Variants in MRPL37 observed in about 807,000 individuals in gnomAD.
MRPL37 encodes the protein large ribosomal subunit protein mL37.
Under a neutral mutation model 44.1 loss-of-function variants are expected in MRPL37, and 34 were observed. The ratio of observed to expected loss-of-function variants is 0.77; its 90% CI spans 0.59 to 1.03. The LOEUF is 1.03. Ranked by LOEUF, MRPL37 falls within the 50% of genes least tolerant of loss-of-function variation. MRPL37 has a pLI of 0.00. For missense variants in MRPL37, 532 were observed against 543.7 expected (o/e 0.98, Z 0.21); for synonymous variants, 212 against 219.5 (o/e 0.97, Z 0.30).
chr1:54,211,665 G>A (rs896687814), intron 4 of MRPL37, among the ~76,000 whole-genome samples: 2 of 152,014 alleles, frequency 1.3e-5, no homozygotes, highest in Non-Finnish European at 2.9e-5. Context: ...GCTAATTTTT[G>A]TATTCTTTTT....
At chr1:54,208,955 C>G (rs915762746) in intron 3 of MRPL37, among the ~76,000 whole-genome samples, 35 of 152,228 alleles carry the variant, frequency 2.3e-4, no homozygotes, top group African/African-American at 7.0e-4. Flanking sequence ...CCCACTCCGC[C>G]AAAGAGTTAT....
At position 54,200,264 on chromosome 1, in the gene MRPL37, C is replaced by T; in HGVS notation, c.21C>T (p.Pro7=). MALASG[P]ARRALAGSGQ... is the part of the protein sequence containing the mutation. ...TCGGTATGGCATTGGCGTCCGGGCC[C>T]GCAAGGCGGGCGCTAGCTGGCTCCG... Residue 7 remains proline (P), a synonymous_variant, in exon 1 of 7, where the codon CCC becomes CCT. Coordinates refer to ENST00000360840, the MANE Select transcript of MRPL37 (RefSeq NM_016491.4). The T allele has an allele frequency of 6.3e-7, 1 of 1,595,718 alleles. No individual in the cohort carries two copies. The highest frequency in any genetic ancestry group is 8.5e-7 in the Non-Finnish European group (1 of 1,173,218).
rs183019545 is a variant in MRPL37 at position 54,215,752 on chromosome 1, G to A, written c.991-389G>A. ...GATTATATCTATCCGTTGACCCTCCGGATTCACATTTGATAGCTGATGTCA... is the reference window on the plus strand; with the variant it reads ...GATTATATCTATCCGTTGACCCTCCAGATTCACATTTGATAGCTGATGTCA... On this transcript the variant is annotated intron_variant, in intron 5 of 6. Coordinates refer to ENST00000360840, the MANE Select transcript of MRPL37 (RefSeq NM_016491.4). Among the ~76,000 whole-genome samples the A allele has an allele frequency of 8.5e-5, 13 of 152,274 alleles. No homozygotes were observed. The South Asian group carries it at 2.7e-3, about 32-fold the overall frequency.
At chr1:54,204,897 G>T in intron 1 of MRPL37, 121 bp from the exon 2 acceptor site, 1 of 1,178,142 alleles carries the variant, frequency 8.5e-7, no homozygotes, top group Non-Finnish European at 1.2e-6. Flanking sequence ...AGGTGTCACA[G>T]AACAAATCCA....
rs779834746 is a variant in MRPL37, at chr1:54,200,206, C to T, written c.-38C>T. ...GCAGGCCCTGCGCGCGGCAACATGGCGGGGTCCAGGTGGAGGTCTTGAGGC... is the reference window on the plus strand; with the variant it reads ...GCAGGCCCTGCGCGCGGCAACATGGTGGGGTCCAGGTGGAGGTCTTGAGGC... On this transcript the variant is annotated 5_prime_UTR_variant, in exon 1 of 7. Transcript: ENST00000360840. 4.0e-6 allele frequency: 6 copies of T among 1,504,814 alleles called. No homozygotes were observed. The highest frequency in any genetic ancestry group is 2.6e-5 in the South Asian group (2 of 75,988). The allele number at this position is 1,504,814 out of a possible 1,614,324, so 93.2% of individuals were successfully genotyped here. A position where few individuals can be genotyped will look rare whatever the true frequency, so the allele number is the denominator to read the frequency against.
At position 54,212,522 on chromosome 1, in the gene MRPL37, A is replaced by G; in HGVS notation, c.854A>G (p.Tyr285Cys). 1 of 1,614,004 alleles carries G rather than the reference A, an allele frequency of 6.2e-7. No individual in the cohort carries two copies. Residue 285 changes from tyrosine to cysteine, a missense_variant, in exon 5 of 7, where the codon TAC (tyrosine) becomes TGC (cysteine). Physicochemically the swap from Tyr to Cys is radical, Grantham distance 194 (BLOSUM62 -2). Transcript: ENST00000360840. ...NDTGFQEGYP[Y>C]PYPHTLYLLD... is the part of the protein sequence containing the mutation. ...GCAGGATTCCAGGAAGGCTATCCTT[A>G]CCCCTATCCCCATACCCTGTACTTA... is the stretch of plus-strand genomic sequence containing the variant.
At chr1:54,219,501 C>T (rs1644219585), downstream of MRPL37, among the ~76,000 whole-genome samples, 1 of 152,176 alleles carries the variant, frequency 6.6e-6, no homozygotes, top group Non-Finnish European at 1.5e-5. Context: ...GGAGGCTTGG[C>T]TGGGGCTGGA....
At chr1:54,211,731 G>A (rs1324503930) in intron 4 of MRPL37, among the ~76,000 whole-genome samples, 3 of 152,112 alleles carry the variant, frequency 2.0e-5, no homozygotes, top group African/African-American at 4.8e-5. Flanking sequence ...GGGCCCAGGC[G>A]ATCTGCTTGC....
In MRPL37 at chr1:54,210,071, C is replaced by T. The variant is rs767076360; in HGVS notation, c.772C>T (p.Pro258Ser). The T allele has an allele frequency of 2.1e-5, 34 of 1,614,006 alleles. No homozygotes were observed. Among genetic ancestry groups the T allele is most frequent in the Non-Finnish European group, 2.7e-5 (32 of 1,180,006 alleles). ...TKNHVLETFY[P>S]ISPIIDLHEC... ...GAATCATGTTCTAGAGACCTTCTACCCCATATCACCCATCATCGATCTTCA... is the reference window on the plus strand; with the variant it reads ...GAATCATGTTCTAGAGACCTTCTACTCCATATCACCCATCATCGATCTTCA... The change falls in exon 4 of 7, where the codon CCC (proline) becomes TCC (serine). Residue 258 changes from proline (P) to serine (S), a missense_variant. Pro to Ser is a moderately conservative substitution (Grantham distance 74). Transcript: ENST00000360840.
chr1:54,216,372 CA>C (rs1346432843), intron 6 of MRPL37, 28 bp downstream of exon 6: 1 of 1,610,050 alleles, frequency 6.2e-7, no homozygotes, highest in Admixed American at 1.7e-5. Flanking sequence ...CTGCCTGACC[CA>C]GGAGGGCCAT....
chr1:54,216,298 A>G lies in MRPL37; in HGVS notation c.1148A>G (p.Tyr383Cys). The change falls in exon 6 of 7, where the codon TAT (tyrosine) becomes TGT (cysteine). Residue 383 changes from tyrosine (Y) to cysteine (C), a missense_variant. Tyr to Cys is a radical substitution (Grantham distance 194, BLOSUM62 -2). Coordinates refer to ENST00000360840, the MANE Select transcript of MRPL37 (RefSeq NM_016491.4). The stretch of plus-strand genomic sequence containing the variant: ...TGGGTGGACTCAGACCAGCTCCTCT[A>G]TCAGCATTTTTGGTGTCTCCCAGTG... ...LAWVDSDQLL[Y>C]QHFWCLPVIK... is the part of the protein sequence containing the mutation. 1 of 1,614,116 alleles carries G rather than the reference A, an allele frequency of 6.2e-7. No individual in the cohort carries two copies. The highest frequency in any genetic ancestry group is 8.5e-7 in the Non-Finnish European group (1 of 1,180,024).
chr1:54,220,996 C>T, downstream of MRPL37: 1 of 368,616 alleles, frequency 2.7e-6, no homozygotes, highest in Non-Finnish European at 5.6e-6. Flanking sequence ...GGGGGAAAGC[C>T]ACTTTTCCCC....
intron 3 of MRPL37, among the ~76,000 whole-genome samples, chr1:54,208,942 C>A (rs1644144183): frequency 6.6e-6 from 1 of 152,000 alleles, no homozygotes; most frequent in African/African-American, 2.4e-5. Flanking sequence ...GACATTCCCT[C>A]CCCCCACTCC....
At chr1:54,225,370 T>C (rs894491874), downstream of MRPL37, 2 of 1,234,102 alleles carry the variant, frequency 1.6e-6, no homozygotes, top group African/African-American at 3.1e-5. Context: ...AGAAGTCACC[T>C]TGCATTTTGT....
chr1:54,220,768 A>G (rs1557736186), downstream of MRPL37: 1 of 471,436 alleles, frequency 2.1e-6, no homozygotes, highest in East Asian at 6.9e-5. Flanking sequence ...AAGGAGCAGG[A>G]GCACGCTGCA....
downstream of MRPL37, among the ~76,000 whole-genome samples, chr1:54,218,720 C>A (rs1387136786): frequency 6.6e-6 from 1 of 152,198 alleles, no homozygotes; most frequent in Non-Finnish European, 1.5e-5. Flanking sequence ...ATTTCTCCCT[C>A]GTATCCTGGT....
chr1:54,200,462 G>C lies in MRPL37; in HGVS notation c.219G>C (p.Pro73=). 6.2e-7 allele frequency: 1 copy of C among 1,614,126 alleles called. No homozygotes were observed. Among genetic ancestry groups the C allele is most frequent in the East Asian group, 2.2e-5 (1 of 44,890 alleles). Residue 73 remains proline, a synonymous_variant, in exon 1 of 7, where the codon CCG becomes CCC. Transcript: ENST00000360840. The stretch of plus-strand genomic sequence containing the variant: ...ACTTCGTGCCCTGGCTGGCGCGGCC[G>C]ATCTTTCCGCCCTGGGACCGCGGCT... ...KMHFVPWLAR[P]IFPPWDRGYK...
intron 3 of MRPL37, among the ~76,000 whole-genome samples, chr1:54,206,905 TTG>T (rs56169941): frequency 0.7 from 104,649 of 150,100 alleles, 37,153 homozygotes; most frequent in Middle Eastern, 0.82. Context: ...CAGCTAATTT[TTG>T]TGTGTGTGTG....
intron 3 of MRPL37, 97 bp downstream of exon 3, chr1:54,205,507 C>G: frequency 2.1e-6 from 2 of 955,792 alleles, no homozygotes; most frequent in Non-Finnish European, 3.2e-6. Flanking sequence ...CCCCAAATAC[C>G]GATCCTTACT....
Sources: allele counts gnomAD v4.1 joint callset (sites outside exome capture counted in the v4.1 genomes callset), GRCh38; gene constraint gnomAD v4.1.1; transcripts MANE v1.5; gene names NCBI Gene and HGNC (gene_info 2026-07-23, HGNC 2026-07-21).